The following AMPH variants were observed in gnomAD, a reference collection of about 807,000 sequenced individuals.
AMPH encodes amphiphysin (Stiff-Mann syndrome with breast cancer 128kD autoantigen).
Under a neutral mutation model 99.1 loss-of-function variants are expected in AMPH, and 49 were observed. The ratio of observed to expected loss-of-function variants is 0.49; its 90% confidence interval spans 0.39 to 0.63. AMPH has a LOEUF of 0.63. Among genes scored for constraint, AMPH ranks in the 20% least tolerant of loss-of-function variants. AMPH has a pLI of 0.00. For missense variants in AMPH, 759 were observed against 863.4 expected (o/e 0.88, Z 1.52); for synonymous variants, 314 against 317.3 (o/e 0.99, Z 0.11).
chr7:38,511,093 C>T (rs1255521520), intron 2 of AMPH, among the ~76,000 whole-genome samples: 2 of 152,102 alleles, frequency 1.3e-5, no homozygotes, highest in Non-Finnish European at 2.9e-5. Context: ...CAGTACCCAC[C>T]ACCTAGAGCT....
chr7:38,613,291 C>A (rs1481852573), intron 1 of AMPH, among the ~76,000 whole-genome samples: 3 of 151,476 alleles, frequency 2.0e-5, no homozygotes, highest in Non-Finnish European at 4.4e-5. Context: ...TCTTGGCCAA[C>A]TCCAAATAGT....
At chr7:38,402,479 G>A (rs1784866861) in intron 17 of AMPH, among the ~76,000 whole-genome samples, 1 of 152,156 alleles carries the variant, frequency 6.6e-6, no homozygotes, top group Non-Finnish European at 1.5e-5. Context: ...AGTAGACGTG[G>A]AAACATTTTC....
At position 38,461,378 on chromosome 7, in the gene AMPH, T is replaced by C. The variant is rs1040956573; in HGVS notation, c.922A>G (p.Lys308Glu). 6.2e-7 allele frequency: 1 copy of C among 1,614,172 alleles called. No individual in the cohort carries two copies. Among genetic ancestry groups the C allele is most frequent in the Admixed American group, 1.7e-5 (1 of 60,020 alleles). Residue 308 changes from lysine to glutamate, a missense_variant, in exon 11 of 21, where the codon AAA becomes GAA. By Grantham distance (56) the Lys-to-Glu change is moderately conservative. Transcript: ENST00000356264. ...RKGPPVPPLP[K>E]VTPTKELQQE... Reference sequence around the variant, plus strand: ...TGCAGTTCCTTTGTCGGGGTGACTTTAGGTAGAGGTGGGACAGGAGGCCCT... The same window carrying C: ...TGCAGTTCCTTTGTCGGGGTGACTTCAGGTAGAGGTGGGACAGGAGGCCCT...
chr7:38,419,382 A>G (rs570426580), intron 16 of AMPH, among the ~76,000 whole-genome samples: 2 of 75,222 alleles, frequency 2.7e-5, no homozygotes, highest in South Asian at 9.3e-4. Context: ...TCACACGACT[A>G]TTCTTTTCAA....
intron 1 of AMPH, among the ~76,000 whole-genome samples, chr7:38,590,135 G>T (rs897961809): frequency 1.3e-5 from 2 of 151,734 alleles, no homozygotes; most frequent in Admixed American, 6.6e-5. Flanking sequence ...CAGATTCCAA[G>T]GAATGGAACC....
intron 1 of AMPH, among the ~76,000 whole-genome samples, chr7:38,596,800 C>T (rs1364399380): frequency 6.6e-6 from 1 of 152,204 alleles, no homozygotes; most frequent in Non-Finnish European, 1.5e-5. Flanking sequence ...ATTCCATCCA[C>T]CACCTTCAGG....
At chr7:38,588,782 T>C (rs966204158) in intron 1 of AMPH, among the ~76,000 whole-genome samples, 5 of 152,156 alleles carry the variant, frequency 3.3e-5, no homozygotes, top group African/African-American at 1.2e-4. Flanking sequence ...TTCTAAATGT[T>C]ATTATTACTT....
intron 6 of AMPH, 59 bp downstream of exon 6, chr7:38,476,803 A>G: frequency 1.5e-6 from 2 of 1,299,000 alleles, no homozygotes; most frequent in Non-Finnish European, 2.2e-6. Flanking sequence ...TTTAAAAAGT[A>G]AAGCTGCAAC....
chr7:38,438,856 T>G (rs1584092257), intron 11 of AMPH, among the ~76,000 whole-genome samples: 1 of 152,206 alleles, frequency 6.6e-6, no homozygotes, highest in African/African-American at 2.4e-5. Context: ...GTCTAGGAAA[T>G]ACTCAAAATG....
chr7:38,390,987 GA>G (rs1784473608), intron 19 of AMPH, among the ~76,000 whole-genome samples: 1 of 58,680 alleles, frequency 1.7e-5, no homozygotes, highest in Non-Finnish European at 3.5e-5. Context: ...GAGAGAGAGA[GA>G]GAGAGAGAGA....
chr7:38,436,398 C>T lies in AMPH; in HGVS notation c.1018-10G>A, dbSNP rs369667373. ...CCTCAGGGACTTCATTCTGTTAAAG[C>T]AAACAACAAAACAAAATAAAACATG... On this transcript the variant is annotated splice_polypyrimidine_tract_variant and intron_variant, in intron 11 of 20. Transcript: ENST00000356264. 2.6e-5 allele frequency: 41 copies of T among 1,598,644 alleles called. No homozygotes were observed. The African/African-American group carries it at 5.0e-4, about 19-fold the overall frequency.
chr7:38,416,454 T>C (rs1265545504), intron 17 of AMPH, among the ~76,000 whole-genome samples: 1 of 152,130 alleles, frequency 6.6e-6, no homozygotes, highest in Non-Finnish European at 1.5e-5. Context: ...TTTAAAACAT[T>C]GGTGAAGATG....
chr7:38,548,842 C>T (rs1229685501), intron 1 of AMPH, among the ~76,000 whole-genome samples: 2 of 152,210 alleles, frequency 1.3e-5, no homozygotes, highest in Non-Finnish European at 2.9e-5. Flanking sequence ...CACAAACAAG[C>T]TGGCTGCCTC....
chr7:38,564,070 C>A (rs1791645820), intron 1 of AMPH, among the ~76,000 whole-genome samples: 1 of 152,180 alleles, frequency 6.6e-6, no homozygotes, highest in African/African-American at 2.4e-5. Flanking sequence ...TAGGGTTATT[C>A]TCCTTAACTA....
chr7:38,439,094 C>T lies in AMPH; in HGVS notation c.1018-2706G>A, dbSNP rs116833229. 3.9e-3 allele frequency among the ~76,000 whole-genome samples: 600 copies of T among 152,270 alleles called. 4 individuals carry two copies. The highest frequency in any genetic ancestry group is 0.013 in the African/African-American group (560 of 41,532). ...TTGATGGTTTTAAAGTGTGGCACTT[C>T]CCCCCTGCTGTCTCTCTCCTGCCAC... On this transcript the variant is annotated intron_variant, in intron 11 of 20. Coordinates refer to ENST00000356264, the MANE Select transcript of AMPH (RefSeq NM_001635.4).
chr7:38,451,567 G>T (rs1273395226), intron 11 of AMPH, among the ~76,000 whole-genome samples: 1 of 151,954 alleles, frequency 6.6e-6, no homozygotes, highest in Non-Finnish European at 1.5e-5. Flanking sequence ...ATATTTTGGG[G>T]GTGAAGGAGA....
intron 11 of AMPH, among the ~76,000 whole-genome samples, chr7:38,448,640 T>C (rs567296033): frequency 6.6e-6 from 1 of 152,336 alleles, no homozygotes; most frequent in South Asian, 2.1e-4. Flanking sequence ...TTTTGGATCA[T>C]GGTTGACCAT....
chr7:38,428,696 G>C, intron 14 of AMPH: 1 of 456,680 alleles, frequency 2.2e-6, no homozygotes, highest in South Asian at 1.5e-5. Context: ...AGATATCTGG[G>C]TGATTGGCAG....
intron 2 of AMPH, among the ~76,000 whole-genome samples, chr7:38,511,368 C>T (rs1789534537): frequency 6.6e-6 from 1 of 152,100 alleles, no homozygotes; most frequent in African/African-American, 2.4e-5. Context: ...ATAATGCTTC[C>T]TTGTTTTTTC....
Sources: allele counts gnomAD v4.1 joint callset (sites outside exome capture counted in the v4.1 genomes callset), GRCh38; gene constraint gnomAD v4.1.1; transcripts MANE v1.5; gene names NCBI Gene and HGNC (gene_info 2026-07-23, HGNC 2026-07-21).